PTPRK: variants seen among roughly 807,000 people sequenced by gnomAD.
PTPRK encodes protein tyrosine phosphatase receptor type K.
A neutral mutation model predicts 178.0 loss-of-function variants in PTPRK; 75 were observed. The ratio of observed to expected loss-of-function variants is 0.42; its 90% CI spans 0.35 to 0.51. PTPRK has a LOEUF of 0.51. Among genes scored for constraint, PTPRK ranks in the 20% least tolerant of loss-of-function variants. The pLI is 0.02. For synonymous variants in PTPRK, 637 were observed against 620.6 expected, an observed-to-expected ratio of 1.03 and a Z score of -0.39; for missense variants, 1,441 against 1,797.8, an observed-to-expected ratio of 0.80 and a Z score of 3.59.
chr6:128,272,115 C>A, intron 3 of PTPRK, among the ~76,000 whole-genome samples: 1 of 151,980 alleles, frequency 6.6e-6, no homozygotes. Flanking sequence ...GGAAAGGATT[C>A]CCTATTTAAT....
At chr6:128,409,635 T>C (rs1348423637) in intron 1 of PTPRK, among the ~76,000 whole-genome samples, 3 of 152,336 alleles carry the variant, frequency 2.0e-5, no homozygotes, top group Non-Finnish European at 4.4e-5. Context: ...AAGTTACATG[T>C]TGATATGGTT....
In PTPRK at chr6:128,520,355, C is replaced by A; in HGVS notation, c.4G>T (p.Asp2Tyr). 1 of 1,606,188 alleles carries A rather than the reference C, an allele frequency of 6.2e-7. No individual in the cohort carries two copies. The highest frequency in any genetic ancestry group is 8.5e-7 in the Non-Finnish European group (1 of 1,176,094). The change falls in exon 1 of 30, where the codon GAT (aspartate) becomes TAT (tyrosine). Residue 2 changes from aspartate (D) to tyrosine (Y), a missense_variant. Coordinates refer to ENST00000368226, the MANE Select transcript of PTPRK (RefSeq NM_002844.4). ...GGCAGCGCCGCCGCCGCAGTCGTAT[C>A]CATGCCGAGTTTGGGAGAAGTTTCA... M[D>Y]TTAAAALPAF...
intron 7 of PTPRK, among the ~76,000 whole-genome samples, chr6:128,132,004 AT>A (rs1794323206): frequency 6.6e-6 from 1 of 152,160 alleles, no homozygotes; most frequent in African/African-American, 2.4e-5. Flanking sequence ...GGTCAAATCA[AT>A]TTTTTGAGAC....
chr6:128,182,015 C>G (rs557086012), intron 7 of PTPRK, among the ~76,000 whole-genome samples: 2 of 152,148 alleles, frequency 1.3e-5, no homozygotes, highest in East Asian at 3.9e-4. Flanking sequence ...AAAATCTAGT[C>G]TATAAGTACT....
intron 2 of PTPRK, among the ~76,000 whole-genome samples, chr6:128,334,525 C>G (rs1030177035): frequency 2.0e-5 from 3 of 152,138 alleles, no homozygotes; most frequent in Non-Finnish European, 4.4e-5. Flanking sequence ...ATAACTGTAA[C>G]AATGGTCACT....
At chr6:128,100,772 T>C (rs1392529336) in intron 7 of PTPRK, among the ~76,000 whole-genome samples, 1 of 151,942 alleles carries the variant, frequency 6.6e-6, no homozygotes, top group African/African-American at 2.4e-5. Context: ...TATTCAAAAG[T>C]AAGTGTTAGA....
Position 128,432,745 on chromosome 6 carries a change from A to AACACACACAC in PTPRK, c.101-35067_101-35058dup, listed in dbSNP as rs4053237. On this transcript the variant is annotated intron_variant, in intron 1 of 29. Coordinates refer to ENST00000368226, the MANE Select transcript of PTPRK (RefSeq NM_002844.4). ...ACCATACAGGTATGTTGTGTTCACA[A>AACACACACAC]ACACACACACACACACACACACACA... Among the ~76,000 whole-genome samples the AACACACACAC allele has an allele frequency of 8.7e-3, 1,271 of 146,346 alleles. 2 individuals carry two copies. Among genetic ancestry groups the AACACACACAC allele is most frequent in the African/African-American group, 0.014 (544 of 40,004 alleles).
intron 5 of PTPRK, chr6:128,238,185 C>CAAAAAAAAAAAAAAAAGA: frequency 4.9e-6 from 1 of 203,784 alleles, no homozygotes; most frequent in South Asian, 2.9e-5. Context: ...TAGCAAACGC[C>CAAAAAAAAAAAAAAAAGA]AAAAAAAAAA....
chr6:128,258,386 A>G (rs1056087530), intron 3 of PTPRK, among the ~76,000 whole-genome samples: 4 of 152,180 alleles, frequency 2.6e-5, no homozygotes, highest in Admixed American at 2.0e-4. Context: ...ACTGGCTAAT[A>G]TCTCTCCCTT....
chr6:128,489,504 A>G (rs1438261393), intron 1 of PTPRK, among the ~76,000 whole-genome samples: 3 of 152,236 alleles, frequency 2.0e-5, no homozygotes, highest in Non-Finnish European at 4.4e-5. Context: ...CTAAAGTGAT[A>G]GTAACATGGT....
At chr6:128,047,019 AATTAAG>A (rs1778139859) in intron 13 of PTPRK, among the ~76,000 whole-genome samples, 1 of 152,196 alleles carries the variant, frequency 6.6e-6, no homozygotes, top group Non-Finnish European at 1.5e-5. Context: ...CATCAGACAA[AATTAAG>A]ATTATGAAGA....
chr6:128,515,232 G>A (rs992815284), intron 1 of PTPRK, among the ~76,000 whole-genome samples: 1 of 152,134 alleles, frequency 6.6e-6, no homozygotes, highest in Admixed American at 6.6e-5. Context: ...ACAAATAAAT[G>A]TTCTGTGACA....
intron 1 of PTPRK, among the ~76,000 whole-genome samples, chr6:128,420,874 G>T (rs1387631226): frequency 1.3e-5 from 2 of 152,114 alleles, no homozygotes; most frequent in Non-Finnish European, 2.9e-5. Flanking sequence ...AAATTAAGTG[G>T]TTATTCTCAG....
intron 1 of PTPRK, among the ~76,000 whole-genome samples, chr6:128,412,838 A>G (rs1842453105): frequency 6.6e-6 from 1 of 152,036 alleles, no homozygotes. Flanking sequence ...ATTCTCTTGC[A>G]CTCCTTTCTC....
intron 13 of PTPRK, among the ~76,000 whole-genome samples, chr6:128,046,619 A>G (rs1582703671): frequency 6.6e-6 from 1 of 152,314 alleles, no homozygotes; most frequent in Middle Eastern, 3.4e-3. Context: ...AAAATAAAAC[A>G]TCTTAGTACA....
intron 1 of PTPRK, among the ~76,000 whole-genome samples, chr6:128,433,980 C>A (rs868513181): frequency 6.6e-6 from 1 of 151,640 alleles, no homozygotes; most frequent in African/African-American, 2.4e-5. Flanking sequence ...TATTAAATCA[C>A]CCCAAATCCC....
intron 1 of PTPRK, among the ~76,000 whole-genome samples, chr6:128,490,752 T>G (rs1853654748): frequency 6.6e-6 from 1 of 152,162 alleles, no homozygotes; most frequent in South Asian, 2.1e-4. Context: ...GCTTAAATAA[T>G]TAATTAATTT....
At chr6:128,340,392 C>T (rs949214762) in intron 2 of PTPRK, among the ~76,000 whole-genome samples, 1 of 152,066 alleles carries the variant, frequency 6.6e-6, no homozygotes, top group African/African-American at 2.4e-5. Context: ...TTATGGAATC[C>T]CCCCATTCTA....
chr6:128,062,521 T>C (rs955958791), intron 13 of PTPRK: 1 of 167,038 alleles, frequency 6.0e-6, no homozygotes, highest in Non-Finnish European at 1.5e-5. Context: ...CCTAGCAATC[T>C]CGATCACGAA....
Sources: allele counts gnomAD v4.1 joint callset (sites outside exome capture counted in the v4.1 genomes callset), GRCh38; gene constraint gnomAD v4.1.1; transcripts MANE v1.5; gene names NCBI Gene and HGNC (gene_info 2026-07-23, HGNC 2026-07-21).